The following ABTB2 variants were observed in gnomAD, a reference collection of about 807,000 sequenced individuals.
ABTB2 encodes ankyrin repeat and BTB domain containing 2, also known as ankyrin repeat and BTB/POZ domain-containing protein 2.
ABTB2 carries 56 observed loss-of-function variants against 104.1 expected under a neutral mutation model. The ratio of observed to expected loss-of-function variants is 0.54; its 90% CI spans 0.43 to 0.67. ABTB2 has a LOEUF of 0.67. ABTB2 is among the 30% of genes least tolerant of loss of function. ABTB2 has a pLI of 0.00. For missense variants in ABTB2, 1,279 were observed against 1,407.7 expected, an observed-to-expected ratio of 0.91 and a Z score of 1.46; for synonymous variants, 606 against 608.2, an observed-to-expected ratio of 1.00 and a Z score of 0.05.
At chr11:34,221,753 A>G (rs1590220939) in intron 1 of ABTB2, among the ~76,000 whole-genome samples, 2 of 152,306 alleles carry the variant, frequency 1.3e-5, no homozygotes, top group East Asian at 3.9e-4. Context: ...TAATTTAAAA[A>G]CTTGGCTGGG....
At chr11:34,312,336 G>T (rs1854866753) in intron 1 of ABTB2, among the ~76,000 whole-genome samples, 1 of 152,130 alleles carries the variant, frequency 6.6e-6, no homozygotes, top group East Asian at 1.9e-4. Context: ...CGAGGCAAGT[G>T]ATGTTGGACT....
intron 1 of ABTB2, among the ~76,000 whole-genome samples, chr11:34,247,083 G>A (rs1240061283): frequency 6.6e-6 from 1 of 152,078 alleles, no homozygotes; most frequent in Admixed American, 6.5e-5. Flanking sequence ...CCAACCTCAG[G>A]TGATCCGCCC....
intron 1 of ABTB2, among the ~76,000 whole-genome samples, chr11:34,332,123 C>T (rs1489923474): frequency 6.6e-6 from 1 of 152,196 alleles, no homozygotes; most frequent in Non-Finnish European, 1.5e-5. Context: ...TTCTTGCTTT[C>T]GGACCCAGAG....
chr11:34,318,554 G>T (rs951298042), intron 1 of ABTB2, among the ~76,000 whole-genome samples: 20 of 152,216 alleles, frequency 1.3e-4, no homozygotes, highest in African/African-American at 4.8e-4. Flanking sequence ...AGGACACTCA[G>T]TTGGCTCGTG....
intron 1 of ABTB2, among the ~76,000 whole-genome samples, chr11:34,227,635 A>C (rs1357416174): frequency 6.6e-6 from 1 of 152,252 alleles, no homozygotes; most frequent in African/African-American, 2.4e-5. Context: ...CAATGCTGCT[A>C]GTCATGTACA....
intron 1 of ABTB2, among the ~76,000 whole-genome samples, chr11:34,278,797 C>T (rs1350211067): frequency 1.3e-5 from 2 of 152,206 alleles, no homozygotes; most frequent in Non-Finnish European, 2.9e-5. Flanking sequence ...AATCATTGCA[C>T]ACACAAAGCT....
Position 34,261,984 on chromosome 11 carries a change from C to G in ABTB2, c.884-57294G>C, listed in dbSNP as rs905697474. Among the ~76,000 whole-genome samples the G allele has an allele frequency of 3.9e-5, 6 of 152,170 alleles. No homozygotes were observed. In the South Asian group the frequency reaches 6.2e-4, roughly 16 times the overall value. On this transcript the variant is annotated intron_variant, in intron 1 of 16. Transcript: ENST00000435224. ...GGTGGGGTGCTGGTTTTCATAGAGGCCTTCCAGCCCTGAAATGCCACCATA... is the reference window on the plus strand; with the variant it reads ...GGTGGGGTGCTGGTTTTCATAGAGGGCTTCCAGCCCTGAAATGCCACCATA...
intron 1 of ABTB2, among the ~76,000 whole-genome samples, chr11:34,336,239 C>A (rs938553330): frequency 2.6e-5 from 4 of 152,188 alleles, no homozygotes; most frequent in African/African-American, 4.8e-5. Flanking sequence ...TGAGCCCATG[C>A]ACCTTCTGAG....
chr11:34,356,184 C>T lies in ABTB2; in HGVS notation c.883+517G>A, dbSNP rs1420570519. 6.6e-6 allele frequency among the ~76,000 whole-genome samples: 1 copy of T among 152,198 alleles called. No homozygotes were observed. Among genetic ancestry groups the T allele is most frequent in the African/African-American group, 2.4e-5 (1 of 41,434 alleles). ...TCCTTCAGCCCAGCAAAGCACAAGG[C>T]GCAGCACCAGATCTTGGGCTTCCCA... On this transcript the variant is annotated intron_variant, in intron 1 of 16. Transcript: ENST00000435224. The surrounding 1 kb of genome is among the most constrained non-coding windows in gnomAD (Gnocchi z 4.6).
intron 1 of ABTB2, among the ~76,000 whole-genome samples, chr11:34,300,732 C>A (rs1363291531): frequency 6.6e-6 from 1 of 152,080 alleles, no homozygotes; most frequent in African/African-American, 2.4e-5. Flanking sequence ...GGGGGAGGTG[C>A]TCGAAGTCTT....
chr11:34,163,523 C>G (rs1852752644), intron 9 of ABTB2, among the ~76,000 whole-genome samples: 1 of 152,200 alleles, frequency 6.6e-6, no homozygotes, highest in South Asian at 2.1e-4. Context: ...GGACTTCTGG[C>G]TCCAAGACCC....
chr11:34,204,895 G>A (rs1442282822), intron 1 of ABTB2, among the ~76,000 whole-genome samples: 2 of 152,180 alleles, frequency 1.3e-5, no homozygotes, highest in Admixed American at 6.5e-5. Context: ...TAGCTCACTC[G>A]TAGCTGTGGT....
At chr11:34,160,654 C>T (rs549881982) in intron 11 of ABTB2, among the ~76,000 whole-genome samples, 7 of 116,402 alleles carry the variant, frequency 6.0e-5, no homozygotes, top group South Asian at 5.9e-4. Context: ...TGGGGGCGAG[C>T]GTGCACGCGC....
intron 1 of ABTB2, among the ~76,000 whole-genome samples, chr11:34,259,567 G>C (rs1854163959): frequency 6.6e-6 from 1 of 152,208 alleles, no homozygotes; most frequent in East Asian, 1.9e-4. Context: ...TGATATAGAA[G>C]TTCAGCCTTT....
At chr11:34,212,706 C>T (rs1853496505) in intron 1 of ABTB2, among the ~76,000 whole-genome samples, 2 of 152,212 alleles carry the variant, frequency 1.3e-5, no homozygotes, top group East Asian at 3.8e-4. Context: ...CCCATCAGCA[C>T]TGTGCTTTCC....
chr11:34,199,082 C>T (rs1402840197), intron 2 of ABTB2, among the ~76,000 whole-genome samples: 2 of 152,224 alleles, frequency 1.3e-5, no homozygotes, highest in African/African-American at 4.8e-5. Context: ...GGGTCTGTTA[C>T]ATACTAGGTT....
intron 1 of ABTB2, among the ~76,000 whole-genome samples, chr11:34,296,536 T>C (rs112696021): frequency 6.6e-6 from 1 of 152,230 alleles, no homozygotes; most frequent in African/African-American, 2.4e-5. Flanking sequence ...ACAGGACCAT[T>C]GGAAGTGAGT....
intron 1 of ABTB2, among the ~76,000 whole-genome samples, chr11:34,231,538 G>A (rs1301277308): frequency 3.9e-5 from 6 of 152,152 alleles, no homozygotes. Flanking sequence ...CATCATCAGT[G>A]ACAAGTCATG....
At chr11:34,248,088 A>ATTTTTTTTTTT (rs377220875) in intron 1 of ABTB2, among the ~76,000 whole-genome samples, 18 of 78,366 alleles carry the variant, frequency 2.3e-4, no homozygotes, top group East Asian at 5.8e-4. Context: ...CTTATCTATA[A>ATTTTTTTTTTT]TTTTTCTTAA....
Sources: gnomAD v4.1 joint callset for allele counts (sites outside exome capture counted in the v4.1 genomes callset) on GRCh38, gnomAD v4.1.1 for gene constraint, Gnocchi (gnomAD v3.1) non-coding constraint, MANE v1.5 for transcripts, NCBI Gene and HGNC (gene_info 2026-07-23, HGNC 2026-07-21) for gene names.